The following AXIN1 variants were observed in gnomAD, a reference collection of about 807,000 sequenced individuals.
AXIN1 encodes axin-1.
Under a neutral mutation model 76.4 loss-of-function variants are expected in AXIN1, and 30 were observed. That is an observed-to-expected ratio of 0.39 (90% CI 0.29 to 0.53). The LOEUF (loss-of-function observed/expected upper bound fraction) is 0.53. Among genes scored for constraint, AXIN1 ranks in the 20% least tolerant of loss-of-function variants. The pLI is 0.66. For synonymous variants in AXIN1, 545 were observed against 501.4 expected, an observed-to-expected ratio of 1.09 and a Z score of -1.16; for missense variants, 1,140 against 1,198.8, an observed-to-expected ratio of 0.95 and a Z score of 0.72.
At chr16:299,266 C>T (rs2141521756) in intron 5 of AXIN1, 1 of 984,328 alleles carries the variant, frequency 1.0e-6, no homozygotes, top group South Asian at 4.7e-5. Context: ...ATTTTCTCAT[C>T]TTATTGGACT....
At chr16:332,513 T>C (rs1423614273) in intron 2 of AXIN1, among the ~76,000 whole-genome samples, 6 of 149,208 alleles carry the variant, frequency 4.0e-5, no homozygotes, top group Non-Finnish European at 8.9e-5. Flanking sequence ...GAGGTGGAGG[T>C]TGCAGTGAGC....
intron 2 of AXIN1, among the ~76,000 whole-genome samples, chr16:330,962 T>G (rs562974331): frequency 6.6e-6 from 1 of 152,180 alleles, no homozygotes; most frequent in African/African-American, 2.4e-5. Context: ...CCAGGGTCTT[T>G]ACAAAGGCCA....
chr16:293,368 C>T lies in AXIN1; in HGVS notation c.2186+120G>A. 1 of 1,012,966 alleles carries T rather than the reference C, an allele frequency of 9.9e-7. No homozygotes were observed. The highest frequency in any genetic ancestry group is 1.5e-5 in the South Asian group (1 of 68,766). 62.7% of individuals were successfully genotyped at this position (1,012,966 alleles called of 1,614,324 possible). On this transcript the variant is annotated intron_variant, in intron 8 of 10. Coordinates refer to ENST00000262320, the MANE Select transcript of AXIN1 (RefSeq NM_003502.4). This position sits in a 1 kb window ranked among gnomAD's most constrained non-coding sequence, Gnocchi z 4.6. ...CAGTGGATGGAAGGGCCCAGTATGGCTGGGGGACACCCAGAGGGCCGTTTT... is the reference window on the plus strand; with the variant it reads ...CAGTGGATGGAAGGGCCCAGTATGGTTGGGGGACACCCAGAGGGCCGTTTT...
chr16:289,533 C>T lies in AXIN1; in HGVS notation c.2369G>A (p.Cys790Tyr), dbSNP rs2141468231. 1 of 1,613,008 alleles carries T rather than the reference C, an allele frequency of 6.2e-7. No homozygotes were observed. The highest frequency in any genetic ancestry group is 8.5e-7 in the Non-Finnish European group (1 of 1,180,020). ...CDSIVVAYYF[C>Y]GEPIPYRTLV... Reference sequence around the variant, plus strand: ...GGTGCGGTAGGGGATGGGTTCCCCGCAGAAGTAGTACGCCACAACGATGCT... The same window carrying T: ...GGTGCGGTAGGGGATGGGTTCCCCGTAGAAGTAGTACGCCACAACGATGCT... Residue 790 changes from cysteine to tyrosine, a missense_variant, in exon 10 of 11, where the codon TGC becomes TAC. By Grantham distance (194) the Cys-to-Tyr change is radical. Around this residue, in one of 3 missense-constraint regions of AXIN1, gnomAD observed 429 missense variants for 405.8 expected, o/e 1.06. Transcript: ENST00000262320.
intron 2 of AXIN1, among the ~76,000 whole-genome samples, chr16:341,656 T>C (rs1597114159): frequency 6.6e-6 from 1 of 151,496 alleles, no homozygotes; most frequent in Non-Finnish European, 1.5e-5. Context: ...GGCAGGCAGC[T>C]CCACCTGCAA....
chr16:328,951 G>A (rs1306327770), intron 2 of AXIN1, among the ~76,000 whole-genome samples: 1 of 152,092 alleles, frequency 6.6e-6, no homozygotes, highest in Non-Finnish European at 1.5e-5. Context: ...ACCCCTGGGT[G>A]CTGCCACGCT....
chr16:346,062 C>T (rs2054026807), intron 2 of AXIN1, 86 bp downstream of exon 2: 5 of 1,394,942 alleles, frequency 3.6e-6, no homozygotes, highest in African/African-American at 1.4e-5. Context: ...TGTGGGTTAA[C>T]GCCCGCCTCA....
intron 2 of AXIN1, among the ~76,000 whole-genome samples, chr16:315,896 T>C (rs1490021637): frequency 7.8e-6 from 1 of 128,712 alleles, no homozygotes; most frequent in Non-Finnish European, 1.7e-5. Flanking sequence ...CTAGTAAAAA[T>C]ACAAAAATTA....
At chr16:308,527 C>T (rs1015018672) in intron 4 of AXIN1, among the ~76,000 whole-genome samples, 1 of 152,248 alleles carries the variant, frequency 6.6e-6, no homozygotes, top group Non-Finnish European at 1.5e-5. Context: ...CTCATGGGCA[C>T]AGAGGGCTGT....
chr16:329,922 C>T (rs1348774294), intron 2 of AXIN1, among the ~76,000 whole-genome samples: 2 of 151,626 alleles, frequency 1.3e-5, no homozygotes, highest in Non-Finnish European at 2.9e-5. Context: ...CGTGAGCCAC[C>T]GCGCCTGGCC....
chr16:304,155 AG>A, intron 5 of AXIN1, 148 bp downstream of exon 5: 1 of 1,356,856 alleles, frequency 7.4e-7, no homozygotes, highest in South Asian at 1.3e-5. Context: ...CTGCAGAGAA[AG>A]GGGAACAGGG....
intron 2 of AXIN1, among the ~76,000 whole-genome samples, chr16:333,502 G>C (rs898435596): frequency 6.6e-6 from 1 of 150,626 alleles, no homozygotes; most frequent in Non-Finnish European, 1.5e-5. Flanking sequence ...AGTTTCTTCA[G>C]CACGATGAAA....
At chr16:309,909 A>G (rs1597033293) in intron 4 of AXIN1, 64 bp downstream of exon 4, 1 of 1,532,150 alleles carries the variant, frequency 6.5e-7, no homozygotes, top group African/African-American at 1.4e-5. Context: ...CCCGCGGACC[A>G]GTTCACCAGG....
intron 10 of AXIN1, 85 bp downstream of exon 10, chr16:289,355 G>A (rs2052485326): frequency 6.4e-7 from 1 of 1,560,808 alleles, no homozygotes; most frequent in African/African-American, 1.4e-5. Flanking sequence ...GTGAGCCACT[G>A]TGCCCGGCTG....
intron 10 of AXIN1, 98 bp from the exon 11 acceptor site, chr16:288,346 A>C (rs1332656752): frequency 6.3e-7 from 1 of 1,576,962 alleles, no homozygotes; most frequent in Admixed American, 1.7e-5. Context: ...CATCCCGAGG[A>C]GCCTCCTGTC....
intron 2 of AXIN1, among the ~76,000 whole-genome samples, chr16:341,461 C>G (rs1171996332): frequency 2.0e-5 from 3 of 152,266 alleles, no homozygotes; most frequent in Non-Finnish European, 4.4e-5. Context: ...CCCACCGGAG[C>G]TGCGCTCAAT....
At chr16:323,801 C>CGT (rs2053518143) in intron 2 of AXIN1, among the ~76,000 whole-genome samples, 1 of 151,852 alleles carries the variant, frequency 6.6e-6, no homozygotes, top group Admixed American at 6.6e-5. Flanking sequence ...CACACACACA[C>CGT]ACCAACAAAA....
intron 3 of AXIN1, among the ~76,000 whole-genome samples, chr16:310,367 G>A (rs771826507): frequency 1.3e-5 from 2 of 152,160 alleles, no homozygotes; most frequent in Non-Finnish European, 2.9e-5. Context: ...GTTCTTTAGG[G>A]CCTGACAGCT....
intron 5 of AXIN1, among the ~76,000 whole-genome samples, chr16:303,726 C>G (rs998007501): frequency 6.6e-5 from 10 of 152,290 alleles, no homozygotes; most frequent in African/African-American, 1.9e-4. Flanking sequence ...GTCCTTCTCA[C>G]CCTTCGAATT....
Sources: allele counts gnomAD v4.1 joint callset (sites outside exome capture counted in the v4.1 genomes callset), GRCh38; gene constraint gnomAD v4.1.1; regional missense constraint gnomAD v4.1.1; non-coding constraint Gnocchi (gnomAD v3.1); transcripts MANE v1.5; gene names NCBI Gene and HGNC (gene_info 2026-07-23, HGNC 2026-07-21).